CHLSN: variants seen among roughly 807,000 people sequenced by gnomAD.
The protein encoded by CHLSN is protein cholesin.
At chr7:1,133,717 GCACTC>G in the CHLSN span, among the ~76,000 whole-genome samples, 28 of 144,628 alleles carry the variant, frequency 1.9e-4, no homozygotes, top group Non-Finnish European at 2.7e-4. Context: ...TCAAGCCACT[GCACTC>G]CAGCCTGGGC....
chr7:1,060,106 C>T, the CHLSN span, among the ~76,000 whole-genome samples: 1 of 151,924 alleles, frequency 6.6e-6, no homozygotes, highest in Non-Finnish European at 1.5e-5. Flanking sequence ...GGCTGGAGAC[C>T]TTCCACCCAT....
At chr7:1,135,908 A>AATATATAAGTATATAT in the CHLSN span, among the ~76,000 whole-genome samples, 190 of 102,628 alleles carry the variant, frequency 1.9e-3, 1 homozygote, top group African/African-American at 7.0e-3. Context: ...AGTATATATA[A>AATATATAAGTATATAT]AAATATATAT....
At chr7:1,123,868 G>A in the CHLSN span, among the ~76,000 whole-genome samples, 5 of 151,654 alleles carry the variant, frequency 3.3e-5, no homozygotes, top group African/African-American at 9.7e-5. This position sits in a 1 kb window ranked among gnomAD's most constrained non-coding sequence, Gnocchi z 4.4. Flanking sequence ...CTGGTGAACC[G>A]GGCTCCACCG....
chr7:1,016,155 G>A, the CHLSN span, among the ~76,000 whole-genome samples: 32 of 46,480 alleles, frequency 6.9e-4, no homozygotes, highest in African/African-American at 2.4e-3. Context: ...AGCAGCACAC[G>A]CCAGCACACA....
chr7:1,030,826 G>C, the CHLSN span, among the ~76,000 whole-genome samples: 1 of 152,138 alleles, frequency 6.6e-6, no homozygotes, highest in Non-Finnish European at 1.5e-5. Context: ...TCTCTGGGCA[G>C]GTGCCACCAT....
the CHLSN span, among the ~76,000 whole-genome samples, chr7:1,022,475 AAG>A: frequency 6.6e-6 from 1 of 152,242 alleles, no homozygotes; most frequent in Non-Finnish European, 1.5e-5. Flanking sequence ...TCTGAGAAAC[AAG>A]AGTTTTTTAA....
chr7:1,050,035 G>A, the CHLSN span, among the ~76,000 whole-genome samples: 4 of 152,196 alleles, frequency 2.6e-5, no homozygotes, highest in Non-Finnish European at 4.4e-5. Flanking sequence ...TCTCTCTGGC[G>A]GGCTAGGCCT....
chr7:1,074,219 G>A, the CHLSN span, among the ~76,000 whole-genome samples: 1 of 16,810 alleles, frequency 5.9e-5, no homozygotes, highest in Non-Finnish European at 1.1e-4. Context: ...CCCCGACCCC[G>A]CACCCCGCCG....
At chr7:1,011,140 TACCCACACCG>T in the CHLSN span, among the ~76,000 whole-genome samples, 1 of 133,068 alleles carries the variant, frequency 7.5e-6, no homozygotes, top group African/African-American at 2.9e-5. Context: ...CTCACCCATG[TACCCACACCG>T]ACCCACACCC....
chr7:1,007,380 G>C, the CHLSN span, among the ~76,000 whole-genome samples: 1 of 152,230 alleles, frequency 6.6e-6, no homozygotes. Flanking sequence ...GGGGCTCTGT[G>C]GTGGGCCAGC....
At chr7:1,040,183 TAAA>T in the CHLSN span, among the ~76,000 whole-genome samples, 1,351 of 74,508 alleles carry the variant, frequency 0.018, 72 homozygotes, top group Admixed American at 0.027. Context: ...AAAATAAATT[TAAA>T]AAAAAAAAAA....
At chr7:987,143 G>A in the CHLSN span, 13 of 1,573,292 alleles carry the variant, frequency 8.3e-6, no homozygotes, top group East Asian at 7.0e-5. Context: ...TGAGGCCAAC[G>A]CGGTGGCCTG....
the CHLSN span, among the ~76,000 whole-genome samples, chr7:1,084,183 C>G: frequency 2.0e-5 from 3 of 152,252 alleles, no homozygotes; most frequent in Non-Finnish European, 2.9e-5. Context: ...GACCTGGGCT[C>G]TTTCTATAAA....
chr7:1,079,848 T>A, the CHLSN span, among the ~76,000 whole-genome samples: 1 of 152,170 alleles, frequency 6.6e-6, no homozygotes, highest in Non-Finnish European at 1.5e-5. Context: ...TTCTAGAACC[T>A]CTCTGAAGGG....
chr7:1,065,418 G>A, the CHLSN span, among the ~76,000 whole-genome samples: 1 of 152,260 alleles, frequency 6.6e-6, no homozygotes, highest in Admixed American at 6.5e-5. Context: ...CAACCCAACT[G>A]CACATCAACA....
chr7:1,015,343 G>T, the CHLSN span, among the ~76,000 whole-genome samples: 2 of 152,208 alleles, frequency 1.3e-5, no homozygotes, highest in African/African-American at 4.8e-5. Context: ...GCACCAGCAG[G>T]TCTTTGTCAA....
At chr7:1,061,866 A>G in the CHLSN span, among the ~76,000 whole-genome samples, 1 of 139,734 alleles carries the variant, frequency 7.2e-6, no homozygotes, top group Non-Finnish European at 1.5e-5. Context: ...CCAAGCAGCC[A>G]TCTCCCCGAC....
the CHLSN span, chr7:983,369 A>G: frequency 1.3e-6 from 2 of 1,525,682 alleles, no homozygotes; most frequent in South Asian, 2.4e-5. Context: ...TCGCAACAGG[A>G]CCGGTCCCTG....
the CHLSN span, among the ~76,000 whole-genome samples, chr7:978,875 G>A: frequency 1.3e-5 from 2 of 152,234 alleles, no homozygotes; most frequent in East Asian, 3.9e-4. Context: ...GGCCTGGGCC[G>A]GGTTAGCTCC....
Sources: gnomAD v4.1 joint callset for allele counts (sites outside exome capture counted in the v4.1 genomes callset) on GRCh38, gnomAD v4.1.1 for gene constraint, Gnocchi (gnomAD v3.1) non-coding constraint, MANE v1.5 for transcripts, NCBI Gene and HGNC (gene_info 2026-07-23, HGNC 2026-07-21) for gene names.